Variants in MAP1LC3A observed in about 807,000 individuals in gnomAD.
MAP1LC3A encodes microtubule-associated protein 1 light chain 3 alpha.
Under a neutral mutation model 15.2 loss-of-function variants are expected in MAP1LC3A, and 10 were observed. That is an observed-to-expected ratio of 0.66 (90% CI 0.41 to 1.12). MAP1LC3A has a LOEUF of 1.12. Ranked by LOEUF, MAP1LC3A falls within the 50% of genes most tolerant of loss-of-function variation. The probability of loss-of-function intolerance (pLI) is 0.00; values close to 1 mark genes in which losing one functional copy is unlikely to be tolerated. For synonymous variants in MAP1LC3A, 63 were observed against 64.3 expected, an observed-to-expected ratio of 0.98 and a Z score of 0.10; for missense variants, 138 against 167.3, an observed-to-expected ratio of 0.82 and a Z score of 0.97.
chr20:34,559,764 G>A lies in MAP1LC3A; in HGVS notation c.232G>A (p.Ala78Thr). Residue 78 changes from alanine to threonine, a missense_variant, in exon 4 of 4, where the codon GCC (alanine) becomes ACC (threonine). Physicochemically the swap from Ala to Thr is moderately conservative, Grantham distance 58 (BLOSUM62 0). Transcript: ENST00000360668. ...RRRLQLNPTQ[A>T]FFLLVNQHSM... is the part of the protein sequence containing the mutation. ...CCGCCTGCAGCTGAACCCCACGCAG[G>A]CCTTCTTCCTGCTGGTGAACCAGCA... 1 of 1,612,168 alleles carries A rather than the reference G, an allele frequency of 6.2e-7. No homozygotes were observed. The highest frequency in any genetic ancestry group is 8.5e-7 in the Non-Finnish European group (1 of 1,179,600).
At chr20:34,557,177 G>A (rs1982192518), upstream of MAP1LC3A, among the ~76,000 whole-genome samples, 1 of 152,098 alleles carries the variant, frequency 6.6e-6, no homozygotes, top group Non-Finnish European at 1.5e-5. Context: ...TGGCCAATCT[G>A]GTCATCTGTG....
chr20:34,553,280 G>A (rs1982015687), intron 2 of MAP1LC3A, among the ~76,000 whole-genome samples: 1 of 152,202 alleles, frequency 6.6e-6, no homozygotes, highest in South Asian at 2.1e-4. Flanking sequence ...GGAAGATCAT[G>A]GGTTTGTTGT....
At chr20:34,551,461 G>A (rs1387687458) in intron 2 of MAP1LC3A, among the ~76,000 whole-genome samples, 2 of 144,434 alleles carry the variant, frequency 1.4e-5, no homozygotes, top group African/African-American at 5.2e-5. Flanking sequence ...CAAGGGGAAC[G>A]CTGTCCTTTT....
chr20:34,555,281 G>T (rs753608457), upstream of MAP1LC3A, among the ~76,000 whole-genome samples: 8 of 151,914 alleles, frequency 5.3e-5, no homozygotes, highest in Non-Finnish European at 1.2e-4. Flanking sequence ...AAGTAGCTGA[G>T]ATTACAGAAT....
intron 2 of MAP1LC3A, chr20:34,550,082 T>C (rs2146669817): frequency 6.4e-7 from 1 of 1,570,292 alleles, no homozygotes; most frequent in East Asian, 2.2e-5. Flanking sequence ...CTATGGTCTG[T>C]CCACACTCGC....
chr20:34,551,552 A>G (rs932667556), intron 2 of MAP1LC3A, among the ~76,000 whole-genome samples: 1 of 145,036 alleles, frequency 6.9e-6, no homozygotes, highest in Non-Finnish European at 1.5e-5. Flanking sequence ...GCTCACTGCA[A>G]CCTCTGCCTC....
intron 1 of MAP1LC3A, chr20:34,549,792 T>A (rs904543206): frequency 1.7e-6 from 1 of 579,000 alleles, no homozygotes; most frequent in Non-Finnish European, 3.1e-6. Flanking sequence ...GGTGGGCGTG[T>A]CTTAGGGAGA....
intron 1 of MAP1LC3A, 131 bp downstream of exon 1, chr20:34,559,039 G>A (rs1468052079): frequency 1.5e-6 from 2 of 1,337,512 alleles, no homozygotes. Context: ...TCCGGCCTGG[G>A]CGGGGGCTGC....
intron 1 of MAP1LC3A, among the ~76,000 whole-genome samples, chr20:34,549,346 G>A (rs199559343): frequency 1.3e-5 from 2 of 152,182 alleles, no homozygotes; most frequent in East Asian, 1.9e-4. Context: ...GTCTGTAAAC[G>A]GGAACTGCCA....
chr20:34,560,127 G>C lies in MAP1LC3A; in HGVS notation c.*229G>C. On this transcript the variant is annotated 3_prime_UTR_variant, in exon 4 of 4. Coordinates refer to ENST00000360668, the MANE Select transcript of MAP1LC3A (RefSeq NM_032514.4). ...GGCTGGTGGGATGGGGGAGGGTGGGGAGCAGCTCCCAGCACCCCTGCTGTG... is the reference window on the plus strand; with the variant it reads ...GGCTGGTGGGATGGGGGAGGGTGGGCAGCAGCTCCCAGCACCCCTGCTGTG... 1 of 401,886 alleles carries C rather than the reference G, an allele frequency of 2.5e-6. No individual in the cohort carries two copies. The highest frequency in any genetic ancestry group is 4.5e-6 in the Non-Finnish European group (1 of 221,358). 24.9% of individuals were successfully genotyped at this position (401,886 alleles called of 1,614,324 possible).
intron 1 of MAP1LC3A, among the ~76,000 whole-genome samples, chr20:34,547,952 C>T (rs1394889073): frequency 3.3e-5 from 5 of 152,100 alleles, no homozygotes; most frequent in Non-Finnish European, 7.3e-5. Context: ...TCAGTGTGCT[C>T]GGCCTTGCTT....
intron 1 of MAP1LC3A, among the ~76,000 whole-genome samples, chr20:34,549,379 C>T (rs541616232): frequency 1.3e-5 from 2 of 152,100 alleles, no homozygotes; most frequent in African/African-American, 4.8e-5. Context: ...AGATAATGAC[C>T]CTGACTCAGA....
chr20:34,549,357 A>G (rs1323000933), intron 1 of MAP1LC3A, among the ~76,000 whole-genome samples: 3 of 152,314 alleles, frequency 2.0e-5, no homozygotes, highest in South Asian at 4.1e-4. Flanking sequence ...GGAACTGCCA[A>G]TCCTTCCTCG....
At chr20:34,555,283 T>A (rs1306576216), upstream of MAP1LC3A, among the ~76,000 whole-genome samples, 1 of 152,022 alleles carries the variant, frequency 6.6e-6, no homozygotes, top group Non-Finnish European at 1.5e-5. Flanking sequence ...GTAGCTGAGA[T>A]TACAGAATGC....
rs559322921 is a variant in MAP1LC3A, at chr20:34,547,839, T to C, written c.-74+923T>C. 3.3e-5 allele frequency among the ~76,000 whole-genome samples: 5 copies of C among 152,250 alleles called. No individual in the cohort carries two copies. The South Asian group carries it at 1.0e-3, about 32-fold the overall frequency. On this transcript the variant is annotated intron_variant, in intron 1 of 4. Coordinates refer to the MAP1LC3A transcript ENST00000374837. ...GACAAATAGTTTCCCAGGCTGGTCT[T>C]GAGCTCCTGCGGCCTCCCTAAACGC...
chr20:34,552,481 G>A (rs972487413), intron 2 of MAP1LC3A, among the ~76,000 whole-genome samples: 4 of 152,258 alleles, frequency 2.6e-5, no homozygotes, highest in Non-Finnish European at 5.9e-5. Flanking sequence ...CAGAGATCCC[G>A]GGGAAGGATG....
At chr20:34,553,864 A>G (rs796667669), upstream of MAP1LC3A, among the ~76,000 whole-genome samples, 2 of 152,326 alleles carry the variant, frequency 1.3e-5, no homozygotes, top group African/African-American at 4.8e-5. Context: ...ATAGGAACAC[A>G]CAGCAAGCTA....
chr20:34,555,729 G>A (rs1982129512), upstream of MAP1LC3A, among the ~76,000 whole-genome samples: 1 of 150,786 alleles, frequency 6.6e-6, no homozygotes, highest in Non-Finnish European at 1.5e-5. Context: ...ACAGCTCACT[G>A]CAGCCTTGAA....
rs1036003971 is a variant in MAP1LC3A at position 34,553,374 on chromosome 20, G to A, written c.52+3345G>A. On this transcript the variant is annotated intron_variant, in intron 2 of 4. Coordinates refer to the MAP1LC3A transcript ENST00000374837. ...CAGGCCACTGGATTCAGGGGTGATG[G>A]GGCAGGGGAGGGACTGAAGGGCGAG... Among the ~76,000 whole-genome samples, 8 of 152,042 alleles carry A rather than the reference G, an allele frequency of 5.3e-5. 1 individual carries two copies. The highest frequency in any genetic ancestry group is 1.7e-4 in the African/African-American group (7 of 41,398).
Sources: gnomAD v4.1 joint callset for allele counts (sites outside exome capture counted in the v4.1 genomes callset) on GRCh38, gnomAD v4.1.1 for gene constraint, MANE v1.5 for transcripts, NCBI Gene and HGNC (gene_info 2026-07-23, HGNC 2026-07-21) for gene names.